The following PDE1C variants were observed in gnomAD, a reference collection of about 807,000 sequenced individuals.
PDE1C encodes phosphodiesterase 1C.
Under a neutral mutation model 93.1 loss-of-function variants are expected in PDE1C, and 62 were observed. The ratio of observed to expected loss-of-function variants is 0.67; its 90% CI spans 0.54 to 0.82. The LOEUF (loss-of-function observed/expected upper bound fraction) is 0.82. Ranked by LOEUF, PDE1C falls within the 40% of genes least tolerant of loss-of-function variation. PDE1C has a pLI of 0.00. For synonymous variants in PDE1C, 325 were observed against 310.1 expected (o/e 1.05, Z -0.50); for missense variants, 742 against 884.6 (o/e 0.84, Z 2.04).
At chr7:31,838,561 A>C (rs1419788541) in intron 9 of PDE1C, among the ~76,000 whole-genome samples, 1 of 152,168 alleles carries the variant, frequency 6.6e-6, no homozygotes, top group Non-Finnish European at 1.5e-5. Flanking sequence ...ATTAAGGTTC[A>C]CTGGGCATGC....
At chr7:32,093,380 CT>C (rs1283274499) in intron 3 of PDE1C, among the ~76,000 whole-genome samples, 15 of 152,228 alleles carry the variant, frequency 9.9e-5, no homozygotes, top group African/African-American at 3.4e-4. Context: ...ATCCCATTCC[CT>C]TTTGCATCTG....
chr7:32,316,113 G>C (rs936951800), intron 1 of PDE1C, among the ~76,000 whole-genome samples: 1 of 152,208 alleles, frequency 6.6e-6, no homozygotes, highest in Non-Finnish European at 1.5e-5. Flanking sequence ...CATGAGGGCT[G>C]TGTCCGTTTT....
the PDE1C span, among the ~76,000 whole-genome samples, chr7:31,619,656 T>G: frequency 1.4e-3 from 206 of 152,214 alleles, no homozygotes; most frequent in Admixed American, 3.0e-3. Context: ...ACAGCTCCAG[T>G]CTACAGCCCC....
chr7:32,098,486 A>T (rs1797883472), intron 3 of PDE1C, among the ~76,000 whole-genome samples: 1 of 152,118 alleles, frequency 6.6e-6, no homozygotes, highest in Non-Finnish European at 1.5e-5. Flanking sequence ...GATTTTATTT[A>T]ATCTCTATTT....
chr7:32,387,829 A>C (rs112648053), intron 1 of PDE1C, among the ~76,000 whole-genome samples: 6,061 of 124,172 alleles, frequency 0.049, 229 homozygotes, highest in South Asian at 0.15. Context: ...ACCTCCCTCC[A>C]GGACGGGGCG....
At chr7:32,222,678 A>G (rs1255653619) in intron 1 of PDE1C, among the ~76,000 whole-genome samples, 3 of 152,208 alleles carry the variant, frequency 2.0e-5, no homozygotes, top group Non-Finnish European at 4.4e-5. Context: ...GGCAGGGACT[A>G]GTTCTCCAGG....
chr7:32,109,707 A>T (rs1798539674), intron 3 of PDE1C, among the ~76,000 whole-genome samples: 1 of 152,180 alleles, frequency 6.6e-6, no homozygotes, highest in South Asian at 2.1e-4. Flanking sequence ...TCACTATTCA[A>T]CAAAGTCTTC....
intron 1 of PDE1C, among the ~76,000 whole-genome samples, chr7:32,271,851 A>G (rs1363774723): frequency 1.3e-5 from 2 of 152,332 alleles, no homozygotes; most frequent in South Asian, 2.1e-4. Flanking sequence ...ATGCAGCAGG[A>G]CTTTTTGCTG....
the PDE1C span, among the ~76,000 whole-genome samples, chr7:31,635,218 T>C: frequency 6.6e-6 from 1 of 152,210 alleles, no homozygotes; most frequent in Non-Finnish European, 1.5e-5. Context: ...TCTAAGGGAA[T>C]ATTTAGAATT....
At chr7:31,913,104 C>G (rs1456250244) in intron 2 of PDE1C, among the ~76,000 whole-genome samples, 2 of 152,120 alleles carry the variant, frequency 1.3e-5, no homozygotes, top group Non-Finnish European at 2.9e-5. Context: ...TCTGAGGACT[C>G]CAGCATCCTG....
At chr7:31,812,624 G>T (rs112486792) in intron 15 of PDE1C, among the ~76,000 whole-genome samples, 5,084 of 152,212 alleles carry the variant, frequency 0.033, 129 homozygotes, top group East Asian at 0.068. Context: ...TTGGAAAACA[G>T]GATAACTCAT....
intron 1 of PDE1C, among the ~76,000 whole-genome samples, chr7:32,269,374 G>A (rs975534912): frequency 1.8e-4 from 27 of 152,174 alleles, no homozygotes; most frequent in Non-Finnish European, 8.8e-5. Flanking sequence ...CTGGAATAAT[G>A]TACACCTCTT....
In PDE1C at chr7:31,830,799, T is replaced by C. The variant is rs117568182; in HGVS notation, c.1204-2426A>G. Among the ~76,000 whole-genome samples the C allele has an allele frequency of 5.1e-4, 77 of 152,290 alleles. No homozygotes were observed. The East Asian group carries it at 0.014, about 27-fold the overall frequency. On this transcript the variant is annotated intron_variant, in intron 11 of 17. Transcript: ENST00000396191. ...CTTCTCCATGTTTTCCCCAGTTTGC[T>C]GGTTTGATGTAGACAAGCACTTTGG...
At chr7:32,340,892 G>A (rs980769823) in intron 1 of PDE1C, among the ~76,000 whole-genome samples, 1 of 152,236 alleles carries the variant, frequency 6.6e-6, no homozygotes, top group Admixed American at 6.5e-5. Flanking sequence ...TTTTAGAACA[G>A]TGAGATTATT....
intron 1 of PDE1C, among the ~76,000 whole-genome samples, chr7:32,252,431 G>C (rs1435680363): frequency 6.6e-6 from 1 of 152,170 alleles, no homozygotes; most frequent in East Asian, 1.9e-4. Context: ...GAAGAACCAG[G>C]TGCAAGGAGA....
intron 1 of PDE1C, among the ~76,000 whole-genome samples, chr7:32,339,607 T>C (rs546943947): frequency 9.8e-4 from 149 of 152,266 alleles, no homozygotes; most frequent in Non-Finnish European, 1.8e-3. Context: ...GAACTCTCCG[T>C]GACAAGACAG....
chr7:31,835,461 G>T (rs1249435912), intron 11 of PDE1C, among the ~76,000 whole-genome samples: 1 of 152,052 alleles, frequency 6.6e-6, no homozygotes, highest in African/African-American at 2.4e-5. Context: ...TCTGCAAAGA[G>T]AATTAACCAT....
intron 2 of PDE1C, among the ~76,000 whole-genome samples, chr7:32,011,691 G>C (rs1787137952): frequency 6.6e-6 from 1 of 152,128 alleles, no homozygotes; most frequent in South Asian, 2.1e-4. Context: ...TGTTGACAAG[G>C]ATATGGAGCG....
chr7:32,081,336 G>A (rs1796650986), intron 3 of PDE1C, among the ~76,000 whole-genome samples: 1 of 152,174 alleles, frequency 6.6e-6, no homozygotes, highest in Non-Finnish European at 1.5e-5. Context: ...AGAGACTTCT[G>A]AATCAATGAG....
Sources: gnomAD v4.1 joint callset for allele counts (sites outside exome capture counted in the v4.1 genomes callset) on GRCh38, gnomAD v4.1.1 for gene constraint, MANE v1.5 for transcripts, NCBI Gene and HGNC (gene_info 2026-07-23, HGNC 2026-07-21) for gene names.